The following GHRHR variants were observed in gnomAD, a reference collection of about 807,000 sequenced individuals.
GHRHR encodes growth hormone releasing hormone receptor.
Under a neutral mutation model 58.3 loss-of-function variants are expected in GHRHR, and 40 were observed. That is an observed-to-expected ratio of 0.69 (90% CI 0.53 to 0.89). The LOEUF is 0.89. Ranked by LOEUF, GHRHR falls within the 40% of genes least tolerant of loss-of-function variation. The probability of loss-of-function intolerance (pLI) is 0.00; values close to 1 mark genes in which losing one functional copy is unlikely to be tolerated. For missense variants in GHRHR, 551 were observed against 541.3 expected, an observed-to-expected ratio of 1.02 and a Z score of -0.18; for synonymous variants, 249 against 216.6, an observed-to-expected ratio of 1.15 and a Z score of -1.31.
chr7:30,968,607 T>C (rs1402520108), intron 1 of GHRHR, among the ~76,000 whole-genome samples: 1 of 64,056 alleles, frequency 1.6e-5, no homozygotes, highest in Non-Finnish European at 3.4e-5. Flanking sequence ...CCTCCCTCTC[T>C]CCCTCCCTCC....
intron 1 of GHRHR, among the ~76,000 whole-genome samples, chr7:30,967,964 G>T (rs2128596923): frequency 6.6e-6 from 1 of 152,272 alleles, no homozygotes; most frequent in South Asian, 2.1e-4. Flanking sequence ...CCATTTCCTT[G>T]CCTTTTCCTT....
In GHRHR at chr7:30,976,295, G is replaced by C. The variant is rs926654684; in HGVS notation, c.975-134G>C. 7 of 785,342 alleles carry C rather than the reference G, an allele frequency of 8.9e-6. 1 individual carries two copies. In the South Asian group the frequency reaches 9.7e-5, roughly 11 times the overall value. 48.6% of individuals were successfully genotyped at this position (785,342 alleles called of 1,614,324 possible). Reference sequence around the variant, plus strand: ...AAATAAAAAAGCCCAGAGTGATTGTGGGGAGGTGGCGTTTCCCAAGGTGGC... The same window carrying C: ...AAATAAAAAAGCCCAGAGTGATTGTCGGGAGGTGGCGTTTCCCAAGGTGGC... On this transcript the variant is annotated intron_variant, in intron 10 of 12. Transcript: ENST00000326139.
intron 1 of GHRHR, among the ~76,000 whole-genome samples, chr7:30,964,429 G>A (rs1355911204): frequency 6.6e-6 from 1 of 152,082 alleles, no homozygotes; most frequent in African/African-American, 2.4e-5. Flanking sequence ...GGGGGCCACA[G>A]AGACTCTGTC....
chr7:30,977,348 C>T (rs1792610775), intron 12 of GHRHR, 26 bp downstream of exon 12: 7 of 1,607,786 alleles, frequency 4.4e-6, no homozygotes, highest in East Asian at 4.5e-5. Flanking sequence ...GGCTATCCCT[C>T]ATGGAGTCCC....
rs1792492415 is a variant in GHRHR at position 30,972,091 on chromosome 7, C to G, written c.593C>G (p.Ser198Cys). 1 of 1,614,018 alleles carries G rather than the reference C, an allele frequency of 6.2e-7. No homozygotes were observed. Among genetic ancestry groups the G allele is most frequent in the East Asian group, 2.2e-5 (1 of 44,866 alleles). ...HSDDTDHCSF[S>C]TVLCKVSVAA... ...GACGACACTGACCACTGCAGCTTCT[C>G]CACTGTAATGGCCATGGGTGAAGGG... is the stretch of plus-strand genomic sequence containing the variant. The change falls in exon 6 of 13, where the codon TCC becomes TGC. Residue 198 changes from serine (S) to cysteine (C), a missense_variant. Ser to Cys is a moderately radical substitution (Grantham distance 112). Transcript: ENST00000326139.
At position 30,970,006 on chromosome 7, in the gene GHRHR, C is replaced by T. The variant is rs34684820; in HGVS notation, c.366+42C>T. The T allele has an allele frequency of 1.0e-3, 881 of 845,250 alleles. 2 individuals are homozygous for T. In the African/African-American group the frequency reaches 0.012, roughly 12 times the overall value. 52.4% of individuals were successfully genotyped at this position (845,250 alleles called of 1,614,324 possible). On this transcript the variant is annotated intron_variant, in intron 4 of 12. Transcript: ENST00000326139. ...ATCTTGGAGGAAGGACTGCCATGGA[C>T]ATTTGTATGGGTGGGTGCACAACTG...
intron 12 of GHRHR, among the ~76,000 whole-genome samples, chr7:30,978,141 G>A (rs972515938): frequency 6.6e-5 from 10 of 152,212 alleles, no homozygotes; most frequent in African/African-American, 2.4e-4. Flanking sequence ...CCCCTTCGCT[G>A]TGGAGTTTTG....
rs756600187 is a variant in GHRHR, at chr7:30,974,958, C to T, written c.813-13C>T. 4 of 1,596,312 alleles carry T rather than the reference C, an allele frequency of 2.5e-6. No individual in the cohort carries two copies. Among genetic ancestry groups the T allele is most frequent in the East Asian group, 2.2e-5 (1 of 44,766 alleles). ...GGACTTTCCAACAACGGCCTTCTTT[C>T]CTCTCTCCCCAGGTGCTGGGACCTG... On this transcript the variant is annotated splice_polypyrimidine_tract_variant and intron_variant, in intron 8 of 12. Coordinates refer to ENST00000326139, the MANE Select transcript of GHRHR (RefSeq NM_000823.4).
intron 9 of GHRHR, 57 bp from the exon 10 acceptor site, chr7:30,975,720 C>G: frequency 1.0e-6 from 1 of 1,000,578 alleles, no homozygotes; most frequent in South Asian, 1.3e-5. Context: ...CTCACCCCAG[C>G]CACCCAAGGC....
chr7:30,970,073 T>TA (rs1348247383), intron 4 of GHRHR, 109 bp downstream of exon 4: 2 of 762,238 alleles, frequency 2.6e-6, no homozygotes, highest in Non-Finnish European at 4.9e-6. Context: ...GAATACTACT[T>TA]ACAGCAGTTT....
At chr7:30,964,706 T>C (rs889382411) in intron 1 of GHRHR, among the ~76,000 whole-genome samples, 3 of 152,178 alleles carry the variant, frequency 2.0e-5, no homozygotes, top group Non-Finnish European at 4.4e-5. Flanking sequence ...AGGGGATCCA[T>C]CATCTTCTCA....
intron 9 of GHRHR, among the ~76,000 whole-genome samples, chr7:30,975,563 G>T (rs990471318): frequency 6.6e-6 from 1 of 152,102 alleles, no homozygotes; most frequent in South Asian, 2.1e-4. Context: ...CCAGGACTTG[G>T]TCCTTCTCTG....
chr7:30,978,272 T>C (rs945102048), intron 12 of GHRHR, among the ~76,000 whole-genome samples: 1 of 152,148 alleles, frequency 6.6e-6, no homozygotes, highest in African/African-American at 2.4e-5. Context: ...TAGCAGACCA[T>C]GGGCCCTGGG....
At chr7:30,975,094 A>G (rs1792552590) in intron 9 of GHRHR, 54 bp downstream of exon 9, 8 of 1,197,700 alleles carry the variant, frequency 6.7e-6, no homozygotes, top group Admixed American at 3.4e-5. Context: ...CCCTGGAACT[A>G]CTGACGGGCT....
intron 11 of GHRHR, 59 bp downstream of exon 11, chr7:30,976,617 T>A: frequency 6.6e-7 from 1 of 1,510,140 alleles, no homozygotes; most frequent in Non-Finnish European, 9.1e-7. Context: ...GAGGTGCTGT[T>A]GCCCACGGGC....
chr7:30,964,756 T>C (rs998567820), intron 1 of GHRHR, among the ~76,000 whole-genome samples: 2 of 152,316 alleles, frequency 1.3e-5, no homozygotes, highest in Middle Eastern at 3.4e-3. Context: ...AACCAAATTG[T>C]ACTCCATGGG....
chr7:30,977,185 C>G, intron 11 of GHRHR, 96 bp from the exon 12 acceptor site: 1 of 1,145,600 alleles, frequency 8.7e-7, no homozygotes. Context: ...AAGCCATAGC[C>G]TGGGGATGAG....
intron 6 of GHRHR, among the ~76,000 whole-genome samples, chr7:30,973,592 A>G (rs898677939): frequency 3.3e-5 from 5 of 152,184 alleles, no homozygotes; most frequent in Non-Finnish European, 7.3e-5. Context: ...CTGTGGCTGA[A>G]TAAGTCACAG....
At chr7:30,971,243 G>T in intron 5 of GHRHR, 27 bp downstream of exon 5, 2 of 999,428 alleles carry the variant, frequency 2.0e-6, no homozygotes. Context: ...ACCAGCTCAA[G>T]AACCTTCCTT....
Sources: gnomAD v4.1 joint callset for allele counts (sites outside exome capture counted in the v4.1 genomes callset) on GRCh38, gnomAD v4.1.1 for gene constraint, MANE v1.5 for transcripts, NCBI Gene and HGNC (gene_info 2026-07-23, HGNC 2026-07-21) for gene names.